Variants in C11orf65 observed in about 807,000 individuals in gnomAD.
The protein encoded by C11orf65 is protein MFI.
In C11orf65, 38 loss-of-function variants were observed where a neutral mutation model predicts 35.3. That is an observed-to-expected ratio of 1.08 (90% CI 0.83 to 1.41). The LOEUF is 1.41. C11orf65 is among the 40% of genes most tolerant of loss of function. The pLI is 0.00. For missense variants in C11orf65, 370 were observed against 367.1 expected (o/e 1.01, Z -0.06); for synonymous variants, 105 against 114.4 (o/e 0.92, Z 0.53).
At chr11:108,340,864 G>A (rs543085270) in intron 2 of C11orf65, among the ~76,000 whole-genome samples, 2 of 152,132 alleles carry the variant, frequency 1.3e-5, no homozygotes, top group African/African-American at 4.8e-5. Flanking sequence ...CTTATATAGT[G>A]TAAATGCTGT....
intron 3 of C11orf65, among the ~76,000 whole-genome samples, chr11:108,408,818 T>A (rs1027123860): frequency 1.3e-4 from 20 of 151,702 alleles, no homozygotes; most frequent in Non-Finnish European, 1.8e-4. Flanking sequence ...AAATTCTTGG[T>A]CCTTTATCGG....
chr11:108,397,103 G>A (rs2092330408), intron 6 of C11orf65, among the ~76,000 whole-genome samples: 1 of 151,828 alleles, frequency 6.6e-6, no homozygotes, highest in African/African-American at 2.4e-5. Context: ...GGCAGGTCAT[G>A]TGAGGTCAGG....
chr11:108,316,332 G>A (rs1228084944), intron 6 of C11orf65, among the ~76,000 whole-genome samples: 1 of 152,162 alleles, frequency 6.6e-6, no homozygotes, highest in African/African-American at 2.4e-5. Flanking sequence ...AGTCAGACAG[G>A]TCATTGACCT....
rs397514577 is a variant in C11orf65 at position 108,317,374 on chromosome 11, C to A, written c.641-8303G>T. ...AAAAACAAAATAACTCCTGTTTAGG[C>A]CTTGCAGAATTTGGGACTCTGCCAT... On this transcript the variant is annotated intron_variant, in intron 6 of 6. Transcript: ENST00000525729. 3.1e-6 allele frequency: 5 copies of A among 1,610,556 alleles called. No individual in the cohort carries two copies. Among genetic ancestry groups the A allele is most frequent in the Non-Finnish European group, 3.4e-6 (4 of 1,178,006 alleles).
chr11:108,466,084 C>G (rs1381449575), intron 1 of C11orf65, among the ~76,000 whole-genome samples: 1 of 151,492 alleles, frequency 6.6e-6, no homozygotes, highest in Non-Finnish European at 1.5e-5. Flanking sequence ...TGACGGAGAA[C>G]TTAAAGGGGC....
chr11:108,422,727 C>A (rs1024942982), intron 3 of C11orf65, among the ~76,000 whole-genome samples: 2 of 151,828 alleles, frequency 1.3e-5, no homozygotes, highest in Non-Finnish European at 2.9e-5. Context: ...ACTAAAAATA[C>A]AAAAATTAGC....
Position 108,369,481 on chromosome 11 carries a change from A to G in C11orf65, c.226+23727T>C, listed in dbSNP as rs372699933. ...ATGCAAAGTTTTTTACCTGTTTATCATATTTTTAAAATAAATTCAGTCCTC... is the reference window on the plus strand; with the variant it reads ...ATGCAAAGTTTTTTACCTGTTTATCGTATTTTTAAAATAAATTCAGTCCTC... On this transcript the variant is annotated intron_variant, in intron 2 of 3. Transcript: ENST00000524755. Among the ~76,000 whole-genome samples the G allele has an allele frequency of 8.5e-5, 13 of 152,324 alleles. 1 individual carries two copies. The South Asian group carries it at 2.7e-3, about 32-fold the overall frequency.
Position 108,345,914 on chromosome 11 carries a change from C to G in C11orf65, c.227-10622G>C, listed in dbSNP as rs863224300. ...TGTAGCTACTTCTTCTATTGGTAAT[C>G]TTCTTGTACATATAGTAGATTGAGC... On this transcript the variant is annotated intron_variant, in intron 2 of 3. Coordinates refer to the C11orf65 transcript ENST00000524755. 4 of 1,613,416 alleles carry G rather than the reference C, an allele frequency of 2.5e-6. No homozygotes were observed. Among genetic ancestry groups the G allele is most frequent in the South Asian group, 1.1e-5 (1 of 91,038 alleles).
chr11:108,411,755 T>A (rs2092660296), intron 3 of C11orf65, among the ~76,000 whole-genome samples: 1 of 152,098 alleles, frequency 6.6e-6, no homozygotes, highest in Non-Finnish European at 1.5e-5. Context: ...ATTTGTCCAA[T>A]ACTAACATAA....
At chr11:108,440,905 G>A (rs1458238538) in intron 2 of C11orf65, among the ~76,000 whole-genome samples, 2 of 152,190 alleles carry the variant, frequency 1.3e-5, no homozygotes, top group East Asian at 1.9e-4. Context: ...CTCCCAGCAT[G>A]AGCAACGCAG....
chr11:108,429,250 C>G (rs902002866), intron 3 of C11orf65, among the ~76,000 whole-genome samples: 1 of 152,104 alleles, frequency 6.6e-6, no homozygotes, highest in African/African-American at 2.4e-5. Flanking sequence ...CTTTGTTCAT[C>G]AAAAGACACC....
chr11:108,403,218 A>G (rs2092471041), intron 6 of C11orf65, among the ~76,000 whole-genome samples: 1 of 152,170 alleles, frequency 6.6e-6, no homozygotes, highest in East Asian at 1.9e-4. Flanking sequence ...CTTGCCAACA[A>G]TTGGCATGAC....
At chr11:108,404,797 C>A (rs761189106) in intron 6 of C11orf65, among the ~76,000 whole-genome samples, 5 of 152,194 alleles carry the variant, frequency 3.3e-5, no homozygotes, top group Admixed American at 6.5e-5. Context: ...TATGCCAATA[C>A]CACAATGTCA....
At chr11:108,336,311 A>G (rs1429067971) in intron 2 of C11orf65, 7 of 195,862 alleles carry the variant, frequency 3.6e-5, no homozygotes, top group Non-Finnish European at 6.3e-5. Flanking sequence ...CCCGTTTAAA[A>G]AAGAAGAAGA....
chr11:108,360,138 C>A (rs1207041171), intron 2 of C11orf65, among the ~76,000 whole-genome samples: 2 of 148,676 alleles, frequency 1.3e-5, no homozygotes, highest in African/African-American at 2.5e-5. Context: ...CACAGAAATA[C>A]AAACTACCAT....
At chr11:108,356,418 C>A (rs2089928460) in intron 2 of C11orf65, among the ~76,000 whole-genome samples, 9 of 151,890 alleles carry the variant, frequency 5.9e-5, no homozygotes, top group Admixed American at 5.9e-4. Context: ...CACCTGTAAT[C>A]CCAGCTACTC....
chr11:108,438,373 G>T (rs912145743), intron 2 of C11orf65, among the ~76,000 whole-genome samples: 17 of 151,772 alleles, frequency 1.1e-4, no homozygotes, highest in Non-Finnish European at 2.5e-4. Context: ...CCAACGTGGT[G>T]AAACCCTGTC....
chr11:108,430,076 T>G (rs2092963135), intron 3 of C11orf65, among the ~76,000 whole-genome samples: 2 of 151,870 alleles, frequency 1.3e-5, no homozygotes. Context: ...TGGTGATGGT[T>G]GGTGATGGTT....
intron 6 of C11orf65, among the ~76,000 whole-genome samples, chr11:108,314,952 T>C (rs2084491842): frequency 6.6e-6 from 1 of 152,232 alleles, no homozygotes; most frequent in Non-Finnish European, 1.5e-5. Context: ...ATATGTACTT[T>C]AGGCCTCAAT....
Sources: allele counts gnomAD v4.1 joint callset (sites outside exome capture counted in the v4.1 genomes callset), GRCh38; gene constraint gnomAD v4.1.1; transcripts MANE v1.5; gene names NCBI Gene and HGNC (gene_info 2026-07-23, HGNC 2026-07-21).